Variants in VCPKMT observed in about 807,000 individuals in gnomAD.
The protein encoded by VCPKMT is protein N-lysine methyltransferase METTL21D.
A neutral mutation model predicts 28.6 loss-of-function variants in VCPKMT; 32 were observed. The observed-to-expected ratio is 1.12, with a 90% confidence interval of 0.84 to 1.50. The LOEUF is 1.50. Ranked by LOEUF, VCPKMT falls within the 40% of genes most tolerant of loss-of-function variation. VCPKMT has a pLI of 0.00. For synonymous variants in VCPKMT, 138 were observed against 111.4 expected (o/e 1.24, Z -1.50); for missense variants, 366 against 285.0 (o/e 1.28, Z -2.05).
intron 5 of VCPKMT, among the ~76,000 whole-genome samples, chr14:50,110,525 G>A (rs917186383): frequency 1.3e-5 from 2 of 152,196 alleles, no homozygotes; most frequent in African/African-American, 2.4e-5. Flanking sequence ...CTCATACCCA[G>A]TGAGATGGGT....
Position 50,109,561 on chromosome 14 carries a change from A to G in VCPKMT, c.*138T>C. ...TTGCAGACAGCCCCTGGTGGTCATC[A>G]TCTATACATCGGATCTCTAAGGACG... is the stretch of plus-strand genomic sequence containing the variant. On this transcript the variant is annotated 3_prime_UTR_variant, in exon 6 of 6. Transcript: ENST00000395860. 1 of 1,380,432 alleles carries G rather than the reference A, an allele frequency of 7.2e-7. No homozygotes were observed. The highest frequency in any genetic ancestry group is 1.5e-5 in the African/African-American group (1 of 66,330). The allele number at this position is 1,380,432 out of a possible 1,614,324, so 85.5% of individuals were successfully genotyped here.
At chr14:50,114,128 G>A (rs1882925481) in intron 4 of VCPKMT, among the ~76,000 whole-genome samples, 157 bp downstream of exon 4, 1 of 152,130 alleles carries the variant, frequency 6.6e-6, no homozygotes, top group Non-Finnish European at 1.5e-5. Flanking sequence ...TGAAAAAGGG[G>A]AGCTTCGTAG....
At chr14:50,114,885 A>G (rs1882994176) in intron 3 of VCPKMT, among the ~76,000 whole-genome samples, 1 of 152,172 alleles carries the variant, frequency 6.6e-6, no homozygotes, top group Non-Finnish European at 1.5e-5. Flanking sequence ...CCCCTCTGTA[A>G]CTAATGATTG....
rs374408637 is a variant in VCPKMT at position 50,116,495 on chromosome 14, A to T, written c.58T>A (p.Leu20Met). ...EDPLRSFVRV[L>M]EKRDGTVLRL... ...AGCACTGTACCATCCCGCTTCTCCA[A>T]AACTCGCACAAAGCTCCGCAGTGGG... The change falls in exon 1 of 6, where the codon TTG (leucine) becomes ATG (methionine). Residue 20 changes from leucine to methionine, a missense_variant. By Grantham distance (15) the Leu-to-Met change is conservative. Coordinates refer to ENST00000395860, the MANE Select transcript of VCPKMT (RefSeq NM_024558.3). 1 of 1,613,866 alleles carries T rather than the reference A, an allele frequency of 6.2e-7. No individual in the cohort carries two copies. The highest frequency in any genetic ancestry group is 1.7e-5 in the Admixed American group (1 of 60,022).
chr14:50,111,963 T>G, intron 5 of VCPKMT: 3 of 985,348 alleles, frequency 3.0e-6, no homozygotes, highest in Non-Finnish European at 2.4e-6. Context: ...TGAGGCAACC[T>G]GCATAAAATG....
downstream of VCPKMT, among the ~76,000 whole-genome samples, chr14:50,105,149 T>A (rs1594929378): frequency 6.6e-6 from 1 of 152,282 alleles, no homozygotes; most frequent in South Asian, 2.1e-4. Flanking sequence ...AGCAATGCCA[T>A]CTACAGGTGG....
At chr14:50,111,837 C>T (rs1594937312) in intron 5 of VCPKMT, 1 of 893,880 alleles carries the variant, frequency 1.1e-6, no homozygotes, top group Non-Finnish European at 1.3e-6. Flanking sequence ...TGCAGCAAGC[C>T]GAGATTGCAC....
downstream of VCPKMT, chr14:50,108,583 CTGTTTAGA>C (rs1882426345): frequency 1.0e-6 from 1 of 985,014 alleles, no homozygotes; most frequent in Admixed American, 6.1e-5. Context: ...CTCCTGTTAA[CTGTTTAGA>C]TGTTCACTTT....
intron 3 of VCPKMT, 124 bp from the exon 4 acceptor site, chr14:50,114,528 A>T (rs1478405256): frequency 7.8e-6 from 5 of 642,886 alleles, no homozygotes; most frequent in African/African-American, 1.9e-5. Flanking sequence ...AATCAATCCA[A>T]CAAAGCACAT....
chr14:50,103,589 G>A, the VCPKMT span, among the ~76,000 whole-genome samples: 1 of 152,126 alleles, frequency 6.6e-6, no homozygotes, highest in African/African-American at 2.4e-5. Context: ...ATTTAGAAAC[G>A]AGGATTTGCT....
downstream of VCPKMT, among the ~76,000 whole-genome samples, chr14:50,105,563 G>T (rs193063570): frequency 1.1e-4 from 16 of 152,276 alleles, no homozygotes; most frequent in East Asian, 3.1e-3. Flanking sequence ...CCTGGGAGGC[G>T]GAGGTTGCAG....
chr14:50,111,948 G>A, intron 5 of VCPKMT: 1 of 985,312 alleles, frequency 1.0e-6, no homozygotes, highest in Non-Finnish European at 1.2e-6. Context: ...AACCCTAGGT[G>A]TCACTGAGGC....
intron 5 of VCPKMT, chr14:50,111,756 C>G (rs2139433352): frequency 1.7e-6 from 1 of 600,758 alleles, no homozygotes; most frequent in East Asian, 1.4e-4. Context: ...CATGGTGGTG[C>G]ATGCCTATGG....
downstream of VCPKMT, chr14:50,108,636 G>C: frequency 4.1e-6 from 4 of 985,716 alleles, no homozygotes; most frequent in Non-Finnish European, 3.6e-6. Flanking sequence ...CAGTCACAAG[G>C]TCTCAAAAAC....
Position 50,116,388 on chromosome 14 carries a change from C to T in VCPKMT, c.165G>A (p.Thr55=), listed in dbSNP as rs779750789. The T allele has an allele frequency of 3.1e-6, 5 of 1,613,854 alleles. No homozygotes were observed. Among genetic ancestry groups the T allele is most frequent in the Non-Finnish European group, 4.2e-6 (5 of 1,179,902 alleles). The part of the protein sequence containing the change: ...AAIVLSKYLE[T]PEFSGDGAHA... Reference sequence around the variant, plus strand: ...GGGCCCCGTCGCCAGAAAACTCGGGCGTTTCCAGGTATTTAGAAAGGACAA... The same window carrying T: ...GGGCCCCGTCGCCAGAAAACTCGGGTGTTTCCAGGTATTTAGAAAGGACAA... The change falls in exon 1 of 6, where the codon ACG becomes ACA. Residue 55 remains threonine, a synonymous_variant. Transcript: ENST00000395860.
intron 3 of VCPKMT, among the ~76,000 whole-genome samples, chr14:50,115,145 GTTTTTT>G (rs745531021): frequency 1.1e-5 from 1 of 90,374 alleles, no homozygotes; most frequent in Non-Finnish European, 2.2e-5. Flanking sequence ...ACAAACTGAT[GTTTTTT>G]TTTTTTTTTT....
chr14:50,114,582 T>A (rs773934366), intron 3 of VCPKMT, among the ~76,000 whole-genome samples, 178 bp from the exon 4 acceptor site: 6 of 152,138 alleles, frequency 3.9e-5, no homozygotes, highest in African/African-American at 7.2e-5. Context: ...ACACCTGTAA[T>A]ATCAACACTT....
chr14:50,103,871 T>C (rs1882234753), downstream of VCPKMT, among the ~76,000 whole-genome samples: 1 of 152,206 alleles, frequency 6.6e-6, no homozygotes, highest in African/African-American at 2.4e-5. Flanking sequence ...ACTTGCATTA[T>C]GCATATTTTC....
chr14:50,116,216 G>A lies in VCPKMT; in HGVS notation c.267-37C>T, dbSNP rs374845364. On this transcript the variant is annotated intron_variant, in intron 1 of 5. Coordinates refer to ENST00000395860, the MANE Select transcript of VCPKMT (RefSeq NM_024558.3). ...CGTCGACTGAGGTGTAGGCACAGGG[G>A]GGAAAGCCTGTAATCCGGATTTCCC... 18 of 1,613,100 alleles carry A rather than the reference G, an allele frequency of 1.1e-5. No individual in the cohort carries two copies. In the East Asian group the frequency reaches 1.6e-4, roughly 14 times the overall value.
Sources: gnomAD v4.1 joint callset for allele counts (sites outside exome capture counted in the v4.1 genomes callset) on GRCh38, gnomAD v4.1.1 for gene constraint, MANE v1.5 for transcripts, NCBI Gene and HGNC (gene_info 2026-07-23, HGNC 2026-07-21) for gene names.